The following RARS2 variants were observed in gnomAD, a reference collection of about 807,000 sequenced individuals.
RARS2 encodes the protein probable arginine--tRNA ligase, mitochondrial.
Under a neutral mutation model 88.5 loss-of-function variants are expected in RARS2, and 67 were observed. The observed-to-expected ratio is 0.76, with a 90% CI of 0.62 to 0.93. RARS2 has a LOEUF of 0.93. Among genes scored for constraint, RARS2 ranks in the 40% least tolerant of loss-of-function variants. The probability of loss-of-function intolerance (pLI) is 0.00; values close to 1 mark genes in which losing one functional copy is unlikely to be tolerated. For synonymous variants in RARS2, 239 were observed against 230.3 expected (o/e 1.04, Z -0.34); for missense variants, 664 against 684.2 (o/e 0.97, Z 0.33).
chr6:87,527,488 C>A (rs1017293308), intron 10 of RARS2, among the ~76,000 whole-genome samples: 5 of 152,076 alleles, frequency 3.3e-5, no homozygotes, highest in Non-Finnish European at 5.9e-5. Flanking sequence ...ACACTGAAGC[C>A]TTGGCAAAGA....
chr6:87,588,848 C>T (rs1430412380), intron 1 of RARS2, among the ~76,000 whole-genome samples: 2 of 152,170 alleles, frequency 1.3e-5, no homozygotes, highest in African/African-American at 4.8e-5. Context: ...TTAAGCCATA[C>T]CCATCAGTAA....
At chr6:87,560,597 C>T (rs887697252) in intron 4 of RARS2, among the ~76,000 whole-genome samples, 3 of 152,100 alleles carry the variant, frequency 2.0e-5, no homozygotes, top group Admixed American at 1.3e-4. Flanking sequence ...TCTGAAAAAT[C>T]CATTAAATAT....
At chr6:87,565,971 C>A (rs1767737993) in intron 2 of RARS2, among the ~76,000 whole-genome samples, 1 of 152,106 alleles carries the variant, frequency 6.6e-6, no homozygotes, top group Admixed American at 6.6e-5. Context: ...CCACAATGAC[C>A]ATTAAGAATT....
chr6:87,585,934 A>G (rs1775022343), intron 1 of RARS2, among the ~76,000 whole-genome samples: 1 of 152,154 alleles, frequency 6.6e-6, no homozygotes, highest in Non-Finnish European at 1.5e-5. Flanking sequence ...GAATGGAAAG[A>G]CCCTGCTATG....
chr6:87,581,791 C>A (rs1236571325), intron 1 of RARS2, among the ~76,000 whole-genome samples: 1 of 152,082 alleles, frequency 6.6e-6, no homozygotes, highest in Non-Finnish European at 1.5e-5. Context: ...TGTGTTCTTC[C>A]CCTCCCCATG....
intron 10 of RARS2, among the ~76,000 whole-genome samples, chr6:87,525,792 GC>G (rs1775490848): frequency 6.6e-6 from 1 of 151,766 alleles, no homozygotes. Context: ...TGTGATCCGC[GC>G]CCCCGGCCTC....
intron 1 of RARS2, among the ~76,000 whole-genome samples, chr6:87,582,901 C>T (rs184169179): frequency 3.9e-5 from 6 of 152,202 alleles, no homozygotes; most frequent in East Asian, 1.9e-4. Context: ...AAGTTAATAA[C>T]GAGAGCGTAA....
chr6:87,535,787 G>A (rs192549929), intron 8 of RARS2, among the ~76,000 whole-genome samples: 40 of 148,584 alleles, frequency 2.7e-4, no homozygotes, highest in South Asian at 2.3e-3. Flanking sequence ...AGCGATTCTC[G>A]TCCCTCGGCC....
intron 7 of RARS2, among the ~76,000 whole-genome samples, chr6:87,542,475 T>C (rs549946083): frequency 6.6e-6 from 1 of 152,310 alleles, no homozygotes; most frequent in African/African-American, 2.4e-5. Flanking sequence ...GGTTTTGTTG[T>C]TATATTAGTT....
intron 5 of RARS2, among the ~76,000 whole-genome samples, chr6:87,551,203 T>C (rs1284108541): frequency 1.3e-5 from 2 of 152,198 alleles, no homozygotes; most frequent in Admixed American, 6.5e-5. Flanking sequence ...TACAATGAAA[T>C]GGAAGATACA....
At chr6:87,548,838 T>C (rs536948229) in intron 5 of RARS2, among the ~76,000 whole-genome samples, 192 bp from the exon 6 acceptor site, 4 of 152,314 alleles carry the variant, frequency 2.6e-5, no homozygotes, top group Admixed American at 1.3e-4. Context: ...GTTAATGAAA[T>C]TGATCTTGTG....
At chr6:87,524,191 C>T (rs901062774) in intron 11 of RARS2, among the ~76,000 whole-genome samples, 10 of 152,202 alleles carry the variant, frequency 6.6e-5, no homozygotes, top group African/African-American at 1.9e-4. Context: ...TACTGATGAA[C>T]AGAGATTGGC....
chr6:87,525,549 C>CTT lies in RARS2; in HGVS notation c.879-899_879-898dup, dbSNP rs71554728. Among the ~76,000 whole-genome samples the CTT allele has an allele frequency of 2.7e-3, 379 of 142,154 alleles. 1 individual carries two copies. The highest frequency in any genetic ancestry group is 9.2e-3 in the African/African-American group (357 of 38,866). 93.3% of individuals were successfully genotyped at this position (142,154 alleles called of 152,430 possible). A position where few individuals can be genotyped will look rare whatever the true frequency, so the allele number is the denominator to read the frequency against. On this transcript the variant is annotated intron_variant, in intron 10 of 19. Coordinates refer to ENST00000369536, the MANE Select transcript of RARS2 (RefSeq NM_020320.5). ...ATATGAAAATCAGTAGCCTTTTTTT[C>CTT]TTTTTTTTTTTTTTGAGACGGAGTC...
At chr6:87,570,920 CCTA>C (rs1269829588) in intron 1 of RARS2, among the ~76,000 whole-genome samples, 1 of 152,162 alleles carries the variant, frequency 6.6e-6, no homozygotes, top group Non-Finnish European at 1.5e-5. Context: ...CCCAGACTTT[CCTA>C]CTATTTCAAC....
chr6:87,550,657 A>G, intron 5 of RARS2, among the ~76,000 whole-genome samples: 1 of 151,586 alleles, frequency 6.6e-6, no homozygotes, highest in East Asian at 1.9e-4. Flanking sequence ...TGGTGAAATT[A>G]TATGTTTAAA....
intron 1 of RARS2, chr6:87,589,588 G>C (rs1029243437): frequency 3.6e-6 from 3 of 842,812 alleles, no homozygotes; most frequent in Non-Finnish European, 4.3e-6. Flanking sequence ...TGTCACTAAA[G>C]TGTAAAGAAC....
rs998811487 is a variant in RARS2 at position 87,589,911 on chromosome 6, G to A, written c.36+11C>T. On this transcript the variant is annotated intron_variant, in intron 1 of 19. Coordinates refer to ENST00000369536, the MANE Select transcript of RARS2 (RefSeq NM_020320.5). ...CCTCAGGGACTCCTCTGCGCGCTCCGGGATCCATACCTGGCAAGCAATAGC... is the reference window on the plus strand; with the variant it reads ...CCTCAGGGACTCCTCTGCGCGCTCCAGGATCCATACCTGGCAAGCAATAGC... The A allele has an allele frequency of 1.4e-5, 23 of 1,614,120 alleles. No homozygotes were observed. The highest frequency in any genetic ancestry group is 1.9e-5 in the Non-Finnish European group (22 of 1,180,054).
intron 1 of RARS2, among the ~76,000 whole-genome samples, chr6:87,570,497 C>T (rs1041695465): frequency 1.3e-5 from 2 of 152,108 alleles, no homozygotes; most frequent in East Asian, 1.9e-4. Flanking sequence ...CGGCTCACTG[C>T]GGCCTCCATC....
intron 7 of RARS2, 56 bp from the exon 8 acceptor site, chr6:87,542,050 A>G: frequency 7.7e-7 from 1 of 1,299,720 alleles, no homozygotes; most frequent in Non-Finnish European, 1.1e-6. Context: ...GAGAATAGGC[A>G]TGACAGGGAA....
Sources: gnomAD v4.1 joint callset for allele counts (sites outside exome capture counted in the v4.1 genomes callset) on GRCh38, gnomAD v4.1.1 for gene constraint, MANE v1.5 for transcripts, NCBI Gene and HGNC (gene_info 2026-07-23, HGNC 2026-07-21) for gene names.